Variants in STK31 observed in about 807,000 individuals in gnomAD.
STK31 encodes the protein serine/threonine kinase 31, also known as serine/threonine-protein kinase 31.
In STK31, 89 loss-of-function variants were observed where a neutral mutation model predicts 129.7. The ratio of observed to expected loss-of-function variants is 0.69; its 90% CI spans 0.58 to 0.82. The LOEUF (loss-of-function observed/expected upper bound fraction) is 0.82. STK31 is among the 40% of genes least tolerant of loss of function. The probability of loss-of-function intolerance (pLI) is 0.00; values close to 1 mark genes in which losing one functional copy is unlikely to be tolerated. For synonymous variants in STK31, 448 were observed against 395.3 expected (o/e 1.13, Z -1.58); for missense variants, 1,187 against 1,176.4 (o/e 1.01, Z -0.13).
chr7:23,805,624 C>T (rs1438410428), intron 22 of STK31, among the ~76,000 whole-genome samples: 2 of 152,060 alleles, frequency 1.3e-5, no homozygotes, highest in Admixed American at 6.5e-5. Flanking sequence ...GCTGGGACTA[C>T]AGGTTGTATC....
chr7:23,781,866 C>T (rs1050222428), intron 16 of STK31, among the ~76,000 whole-genome samples: 2 of 152,138 alleles, frequency 1.3e-5, no homozygotes, highest in African/African-American at 4.8e-5. Flanking sequence ...CACAGACACA[C>T]TTTTGCATAT....
At chr7:23,821,754 T>G (rs1793797483) in intron 23 of STK31, among the ~76,000 whole-genome samples, 1 of 152,204 alleles carries the variant, frequency 6.6e-6, no homozygotes, top group Admixed American at 6.5e-5. Context: ...GTGTTTCCCT[T>G]ATGTTTTCTT....
At chr7:23,795,521 G>T (rs1584460775) in intron 22 of STK31, among the ~76,000 whole-genome samples, 1 of 152,214 alleles carries the variant, frequency 6.6e-6, no homozygotes, top group South Asian at 2.1e-4. Flanking sequence ...GCCCCAACTG[G>T]TGTACTGCCT....
In STK31 at chr7:23,729,256, C is replaced by A; in HGVS notation, c.483+7C>A. The A allele has an allele frequency of 6.4e-7, 1 of 1,564,270 alleles. No homozygotes were observed. The highest frequency in any genetic ancestry group is 1.2e-5 in the South Asian group (1 of 81,614). On this transcript the variant is annotated splice_region_variant and intron_variant, in intron 6 of 23. Transcript: ENST00000355870. ...AGTTACCCAGTTTGATCAGGCAAGTCACGTATTTTAAATATTTTTGCTAAT... is the reference window on the plus strand; with the variant it reads ...AGTTACCCAGTTTGATCAGGCAAGTAACGTATTTTAAATATTTTTGCTAAT...
In STK31 at chr7:23,769,230, T is replaced by C; in HGVS notation, c.1596+56T>C. On this transcript the variant is annotated intron_variant, in intron 12 of 23. Transcript: ENST00000355870. ...TAGCATAAACCAGGGAATATATATT[T>C]TAAAAATCACGCGCTTTGTTCAAGA... The C allele has an allele frequency of 4.9e-6, 7 of 1,436,176 alleles. No homozygotes were observed. The South Asian group carries it at 1.3e-4, about 26-fold the overall frequency. The allele number at this position is 1,436,176 out of a possible 1,614,324, so 89.0% of individuals were successfully genotyped here.
intron 23 of STK31, among the ~76,000 whole-genome samples, chr7:23,817,667 A>G (rs1187252983): frequency 1.3e-5 from 2 of 152,236 alleles, no homozygotes; most frequent in African/African-American, 2.4e-5. Flanking sequence ...GAATCCCTCC[A>G]ATAATATCCC....
chr7:23,754,400 T>C lies in STK31; in HGVS notation c.1219T>C (p.Ser407Pro). 1.2e-6 allele frequency: 2 copies of C among 1,614,012 alleles called. No homozygotes were observed. Among genetic ancestry groups the C allele is most frequent in the East Asian group, 4.5e-5 (2 of 44,870 alleles). Residue 407 changes from serine (S) to proline (P), a missense_variant, in exon 10 of 24, where the codon TCT (serine) becomes CCT (proline). Coordinates refer to ENST00000355870, the MANE Select transcript of STK31 (RefSeq NM_031414.5). ...LDEGCFTTPA[S>P]LNGLEIIWAE... Reference sequence around the variant, plus strand: ...TGAAGGGTGCTTTACTACTCCAGCTTCTTTGAATGGATTAGAGATAATATG... The same window carrying C: ...TGAAGGGTGCTTTACTACTCCAGCTCCTTTGAATGGATTAGAGATAATATG...
rs566896088 is a variant in STK31 at position 23,741,582 on chromosome 7, A to G, written c.1017+4504A>G. Reference sequence around the variant, plus strand: ...AATAATTTCAGGGACACAGGTAACAAAGAGACTCCTTTGTTCCAGAGCAGG... The same window carrying G: ...AATAATTTCAGGGACACAGGTAACAGAGAGACTCCTTTGTTCCAGAGCAGG... On this transcript the variant is annotated intron_variant, in intron 8 of 23. Coordinates refer to ENST00000355870, the MANE Select transcript of STK31 (RefSeq NM_031414.5). Among the ~76,000 whole-genome samples the G allele has an allele frequency of 2.5e-3, 377 of 152,300 alleles. 2 individuals are homozygous for G. The highest frequency in any genetic ancestry group is 3.8e-3 in the Non-Finnish European group (259 of 68,018).
chr7:23,734,619 T>G (rs1318963386), intron 6 of STK31, among the ~76,000 whole-genome samples: 2 of 152,234 alleles, frequency 1.3e-5, no homozygotes, highest in South Asian at 4.1e-4. Context: ...ATTTCTCATA[T>G]GCCAGTTGTA....
chr7:23,754,748 T>C (rs1055686506), intron 10 of STK31, among the ~76,000 whole-genome samples: 1 of 152,136 alleles, frequency 6.6e-6, no homozygotes, highest in African/African-American at 2.4e-5. Flanking sequence ...GAACATGTAG[T>C]GTTTGGTTTT....
intron 22 of STK31, among the ~76,000 whole-genome samples, chr7:23,803,781 TG>T (rs1338919579): frequency 1.3e-5 from 2 of 152,228 alleles, no homozygotes; most frequent in Non-Finnish European, 2.9e-5. Flanking sequence ...TTCCCTTCTT[TG>T]TGTTCATGAG....
At chr7:23,829,980 C>T (rs1261996952) in intron 23 of STK31, among the ~76,000 whole-genome samples, 4 of 152,132 alleles carry the variant, frequency 2.6e-5, no homozygotes, top group South Asian at 4.1e-4. Flanking sequence ...GACAGAGTCT[C>T]CCTCTGTTGC....
rs1021343957 is a variant in STK31 at position 23,754,575 on chromosome 7, A to T, written c.1293+101A>T. On this transcript the variant is annotated intron_variant, in intron 10 of 23. Transcript: ENST00000355870. ...AAAAATAACAGGATACATGTGCAGA[A>T]TGTGCAGATTTGTTACATAGGTATA... The T allele has an allele frequency of 3.0e-6, 4 of 1,317,204 alleles. No individual in the cohort carries two copies. In the Admixed American group the frequency reaches 9.0e-5, roughly 30 times the overall value. 81.6% of individuals were successfully genotyped at this position (1,317,204 alleles called of 1,614,324 possible). A position where few individuals can be genotyped will look rare whatever the true frequency, so the allele number is the denominator to read the frequency against.
intron 6 of STK31, 67 bp downstream of exon 6, chr7:23,729,316 G>A: frequency 2.2e-6 from 3 of 1,395,260 alleles, no homozygotes; most frequent in South Asian, 1.5e-5. Flanking sequence ...CAAAATGTAG[G>A]TATAGTTAAA....
intron 22 of STK31, chr7:23,791,458 C>A: frequency 4.2e-6 from 1 of 238,708 alleles, no homozygotes; most frequent in Non-Finnish European, 6.8e-6. Context: ...ACACTGGGGT[C>A]TACTTGAGGG....
chr7:23,765,378 A>G (rs1352478448), intron 11 of STK31, among the ~76,000 whole-genome samples: 1 of 151,998 alleles, frequency 6.6e-6, no homozygotes, highest in East Asian at 1.9e-4. Context: ...AACCTTTTGT[A>G]TTCACGTTTT....
At chr7:23,782,263 G>C (rs1310815329) in intron 16 of STK31, among the ~76,000 whole-genome samples, 1 of 151,694 alleles carries the variant, frequency 6.6e-6, no homozygotes, top group Non-Finnish European at 1.5e-5. Context: ...ACTTGAGCCC[G>C]GGAGTTTGAG....
chr7:23,787,761 CACACACACACACACACACACAA>C (rs1352205883), intron 20 of STK31, among the ~76,000 whole-genome samples, 197 bp from the exon 21 acceptor site: 202 of 151,516 alleles, frequency 1.3e-3, no homozygotes, highest in African/African-American at 4.6e-3. Context: ...CACACACACA[CACACACACACACACACACACAA>C]ACACACACAG....
chr7:23,778,417 A>G (rs1297868164), intron 15 of STK31, among the ~76,000 whole-genome samples: 2 of 152,198 alleles, frequency 1.3e-5, no homozygotes, highest in Admixed American at 6.5e-5. Context: ...CCTGGATAAT[A>G]TGCTTAAGTG....
Sources: gnomAD v4.1 joint callset for allele counts (sites outside exome capture counted in the v4.1 genomes callset) on GRCh38, gnomAD v4.1.1 for gene constraint, MANE v1.5 for transcripts, NCBI Gene and HGNC (gene_info 2026-07-23, HGNC 2026-07-21) for gene names.